The following ACTL6B variants were observed in gnomAD, a reference collection of about 807,000 sequenced individuals.
The protein encoded by ACTL6B is actin like 6B.
Under a neutral mutation model 63.3 loss-of-function variants are expected in ACTL6B, and 48 were observed. That is an observed-to-expected ratio of 0.76 (90% CI 0.60 to 0.96). ACTL6B has a LOEUF of 0.96. Ranked by LOEUF, ACTL6B falls within the 50% of genes least tolerant of loss-of-function variation. The pLI, the probability that ACTL6B is intolerant of heterozygous loss-of-function variation, is 0.00. For synonymous variants in ACTL6B, 230 were observed against 223.8 expected, an observed-to-expected ratio of 1.03 and a Z score of -0.25; for missense variants, 350 against 572.2, an observed-to-expected ratio of 0.61 and a Z score of 3.96.
At chr7:100,645,156 C>G (rs1459444341) in intron 13 of ACTL6B, among the ~76,000 whole-genome samples, 2 of 152,196 alleles carry the variant, frequency 1.3e-5, no homozygotes, top group African/African-American at 2.4e-5. Context: ...CTTTCTGACC[C>G]TGGTTTCTGT....
In ACTL6B at chr7:100,648,542, C is replaced by T. The variant is rs1297847087; in HGVS notation, c.669+14G>A. 4 of 1,579,450 alleles carry T rather than the reference C, an allele frequency of 2.5e-6. No homozygotes were observed. Among genetic ancestry groups the T allele is most frequent in the Non-Finnish European group, 3.4e-6 (4 of 1,162,058 alleles). ...AGGACTCTAGTGGCAGCTCCATGTC[C>T]CCAGAGGCCCCACCTTGGCTGCGAT... is the stretch of plus-strand genomic sequence containing the variant. On this transcript the variant is annotated intron_variant, in intron 7 of 13. Transcript: ENST00000160382. This position sits in a 1 kb window ranked among gnomAD's most constrained non-coding sequence, Gnocchi z 4.4.
chr7:100,643,469 C>T (rs1803761249), intron 13 of ACTL6B, 143 bp from the exon 14 acceptor site: 1 of 705,396 alleles, frequency 1.4e-6, no homozygotes, highest in African/African-American at 1.8e-5. Flanking sequence ...ACCTCATCCT[C>T]CCCTCCTCGG....
At position 100,649,657 on chromosome 7, in the gene ACTL6B, C is replaced by T. The variant is rs1250148374; in HGVS notation, c.467+381G>A. Among the ~76,000 whole-genome samples, 7 of 152,218 alleles carry T rather than the reference C, an allele frequency of 4.6e-5. No individual in the cohort carries two copies. In the South Asian group the frequency reaches 1.0e-3, roughly 23 times the overall value. ...CCTGAAATTAGGGTCGCTATCACCC[C>T]AGTGCATAGCACAGGGTTCAATGCA... is the stretch of plus-strand genomic sequence containing the variant. On this transcript the variant is annotated intron_variant, in intron 5 of 13. Coordinates refer to ENST00000160382, the MANE Select transcript of ACTL6B (RefSeq NM_016188.5).
At chr7:100,649,078 C>T (rs1353428678) in intron 5 of ACTL6B, among the ~76,000 whole-genome samples, 3 of 151,486 alleles carry the variant, frequency 2.0e-5, no homozygotes. Context: ...CTGCAAGCTC[C>T]GCCTCCCGGG....
chr7:100,644,619 A>G (rs1425577544), intron 13 of ACTL6B, among the ~76,000 whole-genome samples: 1 of 151,780 alleles, frequency 6.6e-6, no homozygotes, highest in Non-Finnish European at 1.5e-5. Flanking sequence ...GTTGCTTTTT[A>G]AATTTTTTGT....
In ACTL6B at chr7:100,656,334, G is replaced by A. The variant is rs1480775997; in HGVS notation, c.21C>T (p.Gly7=). Reference sequence around the variant, plus strand: ...GGGGGCCCGAGGCTCGCTCACCTCCGCCGTAGACGCCCCCGCTCATAGTGC... The same window carrying A: ...GGGGGCCCGAGGCTCGCTCACCTCCACCGTAGACGCCCCCGCTCATAGTGC... The part of the protein sequence containing the change: MSGGVY[G]GDEVGALVFD... The change falls in exon 1 of 14, where the codon GGC becomes GGT. Residue 7 remains glycine, a synonymous_variant. Transcript: ENST00000160382. The A allele has an allele frequency of 2.9e-6, 4 of 1,384,768 alleles. No homozygotes were observed. In the Admixed American group the frequency reaches 8.7e-5, roughly 30 times the overall value. The allele number at this position is 1,384,768 out of a possible 1,614,324, so 85.8% of individuals were successfully genotyped here.
rs2131334720 is a variant in ACTL6B, at chr7:100,648,547, AG to A, written c.669+8del. 1 of 1,586,558 alleles carries A rather than the reference AG, an allele frequency of 6.3e-7. No individual in the cohort carries two copies. The highest frequency in any genetic ancestry group is 2.3e-5 in the East Asian group (1 of 44,288). ...TCTAGTGGCAGCTCCATGTCCCCAG[AG>A]GCCCCACCTTGGCTGCGATCATGTA... is the stretch of plus-strand genomic sequence containing the variant. On this transcript the variant is annotated splice_region_variant and intron_variant, in intron 7 of 13. Coordinates refer to ENST00000160382, the MANE Select transcript of ACTL6B (RefSeq NM_016188.5). The surrounding 1 kb of genome is among the most constrained non-coding windows in gnomAD (Gnocchi z 4.4).
chr7:100,645,884 G>A (rs562189960), intron 13 of ACTL6B, among the ~76,000 whole-genome samples: 26 of 152,236 alleles, frequency 1.7e-4, no homozygotes, highest in African/African-American at 4.6e-4. Context: ...CACCCGTCTC[G>A]GCCTCCCAAA....
In ACTL6B at chr7:100,646,157, G is replaced by T; in HGVS notation, c.1200+92C>A. 1 of 1,054,846 alleles carries T rather than the reference G, an allele frequency of 9.5e-7. No homozygotes were observed. The highest frequency in any genetic ancestry group is 1.5e-6 in the Non-Finnish European group (1 of 688,276). 65.3% of individuals were successfully genotyped at this position (1,054,846 alleles called of 1,614,324 possible). ...AAAACTAAATGTTTGTTGAATGAAT[G>T]AATGAACGAAGAGGCAGTCAAAGTG... On this transcript the variant is annotated intron_variant, in intron 13 of 13. Coordinates refer to ENST00000160382, the MANE Select transcript of ACTL6B (RefSeq NM_016188.5). This position sits in a 1 kb window ranked among gnomAD's most constrained non-coding sequence, Gnocchi z 6.1.
In ACTL6B at chr7:100,646,810, A is replaced by G; in HGVS notation, c.958T>C (p.Leu320=). 6.2e-7 allele frequency: 1 copy of G among 1,613,246 alleles called. No homozygotes were observed. The highest frequency in any genetic ancestry group is 8.5e-7 in the Non-Finnish European group (1 of 1,179,928). ...NVKGLSGNTM[L]GVGHVVTTSI... ...GTGGTCACCACGTGGCCCACACCCA[A>G]CATGGTGTTCCCCGACAGGCCCTGC... The change falls in exon 11 of 14, where the codon TTG becomes CTG. Residue 320 remains leucine, a synonymous_variant. Coordinates refer to ENST00000160382, the MANE Select transcript of ACTL6B (RefSeq NM_016188.5). This position sits in a 1 kb window ranked among gnomAD's most constrained non-coding sequence, Gnocchi z 6.1.
intron 4 of ACTL6B, among the ~76,000 whole-genome samples, chr7:100,653,430 G>C (rs1803979313): frequency 6.6e-6 from 1 of 152,082 alleles, no homozygotes; most frequent in Non-Finnish European, 1.5e-5. Context: ...CGGGCAGATT[G>C]CTTGAGCCCA....
rs925854477 is a variant in ACTL6B, at chr7:100,648,969, G to C, written c.468-146C>G. 21 of 701,032 alleles carry C rather than the reference G, an allele frequency of 3.0e-5. No individual in the cohort carries two copies. The East Asian group carries it at 6.0e-4, about 20-fold the overall frequency. The allele number at this position is 701,032 out of a possible 1,614,324, so 43.4% of individuals were successfully genotyped here. A position where few individuals can be genotyped will look rare whatever the true frequency, so the allele number is the denominator to read the frequency against. On this transcript the variant is annotated intron_variant, in intron 5 of 13. Transcript: ENST00000160382. This position sits in a 1 kb window ranked among gnomAD's most constrained non-coding sequence, Gnocchi z 4.4. ...CCCCCTGGTGATGACTCATCTCCTG[G>C]AGAAAGGCTCTGAGACCCCAGTTAC...
At chr7:100,652,425 A>T (rs530697982) in intron 4 of ACTL6B, among the ~76,000 whole-genome samples, 34 of 149,320 alleles carry the variant, frequency 2.3e-4, no homozygotes, top group African/African-American at 7.4e-4. Flanking sequence ...CCATCTCAAA[A>T]AAAAAAAAAA....
Position 100,647,019 on chromosome 7 carries a change from G to A in ACTL6B, c.888C>T (p.Ala296=), listed in dbSNP as rs747378475. The change falls in exon 10 of 14, where the codon GCC becomes GCT. Residue 296 remains alanine (A), a synonymous_variant. Coordinates refer to ENST00000160382, the MANE Select transcript of ACTL6B (RefSeq NM_016188.5). The surrounding 1 kb of genome is among the most constrained non-coding windows in gnomAD (Gnocchi z 4.4). ...MPNGYNTDYG[A]ERLRIPEGLF... is the part of the protein sequence containing the mutation. The stretch of plus-strand genomic sequence containing the variant: ...GGCCCTCAGGGATGCGGAGTCGCTC[G>A]GCGCCGTAGTCTGTATTGTAGCCAT... 33 of 1,613,978 alleles carry A rather than the reference G, an allele frequency of 2.0e-5. No homozygotes were observed. The highest frequency in any genetic ancestry group is 8.8e-5 in the South Asian group (8 of 91,088).
rs1804032073 is a variant in ACTL6B, at chr7:100,655,924, CT to C, written c.26-46del. The C allele has an allele frequency of 2.6e-6, 4 of 1,535,644 alleles. No homozygotes were observed. The highest frequency in any genetic ancestry group is 3.5e-6 in the Non-Finnish European group (4 of 1,136,844). On this transcript the variant is annotated intron_variant, in intron 1 of 13. Coordinates refer to ENST00000160382, the MANE Select transcript of ACTL6B (RefSeq NM_016188.5). This position sits in a 1 kb window ranked among gnomAD's most constrained non-coding sequence, Gnocchi z 4.4. ...TGTAAGGGGACCTCCCCCGAACTCT[CT>C]CCCGCTAGGTAGCTCCGAGAGAAAG...
Position 100,647,186 on chromosome 7 carries a change from C to T in ACTL6B, c.821+37G>A, listed in dbSNP as rs1803840137. The T allele has an allele frequency of 7.2e-7, 1 of 1,381,594 alleles. No homozygotes were observed. The allele number at this position is 1,381,594 out of a possible 1,614,324, so 85.6% of individuals were successfully genotyped here. On this transcript the variant is annotated intron_variant, in intron 9 of 13. Coordinates refer to ENST00000160382, the MANE Select transcript of ACTL6B (RefSeq NM_016188.5). The surrounding 1 kb of genome is among the most constrained non-coding windows in gnomAD (Gnocchi z 4.4). ...GCCCACCCCAAGAGTGCCGGTTCTG[C>T]CCTCTCTCCCACCCCAAAGCCCTGA...
chr7:100,643,195 T>A lies in ACTL6B; in HGVS notation c.*51A>T. On this transcript the variant is annotated 3_prime_UTR_variant, in exon 14 of 14. Transcript: ENST00000160382. ...GGAGGGGGGCAATGTGGCATGGGGG[T>A]TAAGGGACTTCCATCTGAGCTTGGG... 6.4e-7 allele frequency: 1 copy of A among 1,566,740 alleles called. No individual in the cohort carries two copies. Among genetic ancestry groups the A allele is most frequent in the East Asian group, 2.2e-5 (1 of 44,548 alleles).
chr7:100,643,384 C>T, intron 13 of ACTL6B, 58 bp from the exon 14 acceptor site: 2 of 1,575,766 alleles, frequency 1.3e-6, no homozygotes, highest in Non-Finnish European at 1.7e-6. Flanking sequence ...TGTGGACAGG[C>T]AGGTGCAGCC....
chr7:100,644,507 G>A (rs780822417), intron 13 of ACTL6B, among the ~76,000 whole-genome samples: 18 of 152,132 alleles, frequency 1.2e-4, no homozygotes, highest in Non-Finnish European at 2.2e-4. Context: ...AGGTTGGAAT[G>A]CAGTGGCACA....
Sources: gnomAD v4.1 joint callset for allele counts (sites outside exome capture counted in the v4.1 genomes callset) on GRCh38, gnomAD v4.1.1 for gene constraint, Gnocchi (gnomAD v3.1) non-coding constraint, MANE v1.5 for transcripts, NCBI Gene and HGNC (gene_info 2026-07-23, HGNC 2026-07-21) for gene names.